The following GCH1 variants were observed in gnomAD, a reference collection of about 807,000 sequenced individuals.
GCH1 encodes the protein GTP cyclohydrolase 1.
A neutral mutation model predicts 25.9 loss-of-function variants in GCH1; 5 were observed. That is an observed-to-expected ratio of 0.19 (90% CI 0.10 to 0.41). The LOEUF (loss-of-function observed/expected upper bound fraction) is 0.41, where lower values mean the gene tolerates loss of function less well. Ranked by LOEUF, GCH1 falls within the 10% of genes least tolerant of loss-of-function variation. The pLI, the probability that GCH1 is intolerant of heterozygous loss-of-function variation, is 1.00. For missense variants in GCH1, 261 were observed against 336.5 expected (o/e 0.78, Z 1.75); for synonymous variants, 159 against 129.6 (o/e 1.23, Z -1.54).
At chr14:54,872,447 C>T (rs1319555893) in intron 1 of GCH1, among the ~76,000 whole-genome samples, 1 of 152,130 alleles carries the variant, frequency 6.6e-6, no homozygotes, top group Non-Finnish European at 1.5e-5. Context: ...AACTAACGAG[C>T]AAAATAACCA....
chr14:54,900,226 TGGAGACAGA>T (rs2040544381), intron 1 of GCH1, among the ~76,000 whole-genome samples: 1 of 151,506 alleles, frequency 6.6e-6, no homozygotes. Context: ...TTGTTTTTTC[TGGAGACAGA>T]GTCTCCCTCT....
Position 54,883,242 on chromosome 14 carries a change from C to T in GCH1, c.344-17806G>A, listed in dbSNP as rs139734102. ...CAAAAATTAGCCGGGCACGGTGGCG[C>T]GTGCCTGTAATCCCAGCTATTCGGT... On this transcript the variant is annotated intron_variant, in intron 1 of 5. Transcript: ENST00000491895. 7.0e-3 allele frequency among the ~76,000 whole-genome samples: 1,053 copies of T among 151,444 alleles called. 17 individuals are homozygous for T. The highest frequency in any genetic ancestry group is 0.025 in the African/African-American group (1,015 of 41,272).
chr14:54,902,710 C>G lies in GCH1; in HGVS notation c.-47G>C. 1 of 1,403,626 alleles carries G rather than the reference C, an allele frequency of 7.1e-7. No individual in the cohort carries two copies. The highest frequency in any genetic ancestry group is 9.2e-7 in the Non-Finnish European group (1 of 1,084,560). 86.9% of individuals were successfully genotyped at this position (1,403,626 alleles called of 1,614,324 possible). Reference sequence around the variant, plus strand: ...GTTCGGGAAGGACCCCGGGGCGCTTCGAGGTCTGCGGCTAAACTCCGCCGG... The same window carrying G: ...GTTCGGGAAGGACCCCGGGGCGCTTGGAGGTCTGCGGCTAAACTCCGCCGG... On this transcript the variant is annotated 5_prime_UTR_variant, in exon 1 of 6. Coordinates refer to ENST00000491895, the MANE Select transcript of GCH1 (RefSeq NM_000161.3).
At chr14:54,882,975 G>A (rs1474894949) in intron 1 of GCH1, among the ~76,000 whole-genome samples, 1 of 152,204 alleles carries the variant, frequency 6.6e-6, no homozygotes, top group Non-Finnish European at 1.5e-5. Context: ...ACTATGTGTA[G>A]GGATGGACCC....
chr14:54,850,328 C>G (rs2140048915), intron 3 of GCH1, among the ~76,000 whole-genome samples: 1 of 145,052 alleles, frequency 6.9e-6, no homozygotes, highest in South Asian at 2.2e-4. Flanking sequence ...TTTTTTTCCC[C>G]CGAGACAGAG....
At chr14:54,888,529 T>C (rs1298426092) in intron 1 of GCH1, among the ~76,000 whole-genome samples, 1 of 142,888 alleles carries the variant, frequency 7.0e-6, no homozygotes, top group Non-Finnish European at 1.5e-5. Flanking sequence ...TTTTTTTTTT[T>C]TGAGATGGAG....
intron 1 of GCH1, among the ~76,000 whole-genome samples, chr14:54,880,631 C>CAT (rs201012984): frequency 0.14 from 123 of 854 alleles, 36 homozygotes; most frequent in East Asian, 0.62. Flanking sequence ...ATATATACTC[C>CAT]ATATATATAT....
chr14:54,852,825 T>C (rs540894685), intron 3 of GCH1, among the ~76,000 whole-genome samples: 12 of 152,338 alleles, frequency 7.9e-5, no homozygotes, highest in Admixed American at 3.9e-4. Context: ...TCCATCGTGT[T>C]TGTCTGACTC....
chr14:54,901,496 G>T (rs2040565550), intron 1 of GCH1, among the ~76,000 whole-genome samples: 1 of 152,042 alleles, frequency 6.6e-6, no homozygotes, highest in African/African-American at 2.4e-5. Context: ...GTGAAAAGCC[G>T]ACACGCCTCA....
At chr14:54,877,386 T>G (rs2040177529) in intron 1 of GCH1, among the ~76,000 whole-genome samples, 1 of 152,240 alleles carries the variant, frequency 6.6e-6, no homozygotes, top group Non-Finnish European at 1.5e-5. Flanking sequence ...TCATTCATAA[T>G]TAAGCAATGT....
intron 1 of GCH1, among the ~76,000 whole-genome samples, chr14:54,890,013 T>C (rs999522978): frequency 2.6e-5 from 4 of 152,058 alleles, no homozygotes; most frequent in African/African-American, 9.7e-5. Flanking sequence ...CTTATTCAAT[T>C]TTAGAAAAAT....
chr14:54,847,048 A>G (rs767157866), intron 4 of GCH1, 51 bp downstream of exon 4: 10 of 747,908 alleles, frequency 1.3e-5, no homozygotes, highest in Admixed American at 1.0e-4. Flanking sequence ...AAATTTAAAA[A>G]AAGAAAAAAA....
At chr14:54,900,845 T>TCA (rs3221690) in intron 1 of GCH1, among the ~76,000 whole-genome samples, 9,825 of 144,570 alleles carry the variant, frequency 0.068, 348 homozygotes, top group African/African-American at 0.094. Context: ...GTGAAATATC[T>TCA]CACACACACA....
At chr14:54,850,644 A>C (rs1438865884) in intron 3 of GCH1, among the ~76,000 whole-genome samples, 1 of 151,886 alleles carries the variant, frequency 6.6e-6, no homozygotes, top group East Asian at 1.9e-4. Flanking sequence ...CCTGCTCCCC[A>C]CGACAGGCCC....
chr14:54,869,745 G>A (rs1428130962), intron 1 of GCH1, among the ~76,000 whole-genome samples: 1 of 152,172 alleles, frequency 6.6e-6, no homozygotes, highest in Admixed American at 6.5e-5. Context: ...CTCCCAAAGT[G>A]CTGGGATTAC....
intron 1 of GCH1, among the ~76,000 whole-genome samples, chr14:54,889,458 T>G (rs1045137384): frequency 1.3e-5 from 2 of 152,220 alleles, no homozygotes; most frequent in South Asian, 4.1e-4. Context: ...AAATAAAAAC[T>G]AATGTGTGAT....
Position 54,880,694 on chromosome 14 carries a change from TATATATATACTCCATATATATATACTC to T in GCH1, c.344-15285_344-15259del, listed in dbSNP as rs2040248972. ...TATATACTCCATATATATATACTCA[TATATATATACTCCATATATATATACTC>T]ATATATATATATATACTCCATATAT... is the stretch of plus-strand genomic sequence containing the variant. On this transcript the variant is annotated intron_variant, in intron 1 of 5. Coordinates refer to ENST00000491895, the MANE Select transcript of GCH1 (RefSeq NM_000161.3). 4.5e-4 allele frequency among the ~76,000 whole-genome samples: 17 copies of T among 38,176 alleles called. 3 individuals carry two copies. The South Asian group carries it at 5.5e-3, about 12-fold the overall frequency. The allele number at this position is 38,176 out of a possible 152,430, so 25.0% of individuals were successfully genotyped here. A position where few individuals can be genotyped will look rare whatever the true frequency, so the allele number is the denominator to read the frequency against.
chr14:54,869,920 T>C (rs747926050), intron 1 of GCH1, among the ~76,000 whole-genome samples: 8 of 152,138 alleles, frequency 5.3e-5, no homozygotes, highest in Admixed American at 6.5e-5. Flanking sequence ...TACACTACAA[T>C]GTGAAAGAAG....
In GCH1 at chr14:54,871,997, T is replaced by C. The variant is rs568080356; in HGVS notation, c.344-6561A>G. 9.2e-5 allele frequency among the ~76,000 whole-genome samples: 14 copies of C among 151,684 alleles called. No homozygotes were observed. In the East Asian group the frequency reaches 2.5e-3, roughly 27 times the overall value. ...ATTCAGATTCAGGAAATACAGAGAA[T>C]GCCACAAAGATACTCCTCGAGAAGA... On this transcript the variant is annotated intron_variant, in intron 1 of 5. Transcript: ENST00000491895.
Sources: gnomAD v4.1 joint callset for allele counts (sites outside exome capture counted in the v4.1 genomes callset) on GRCh38, gnomAD v4.1.1 for gene constraint, MANE v1.5 for transcripts, NCBI Gene and HGNC (gene_info 2026-07-23, HGNC 2026-07-21) for gene names.